The following ZNF594 variants were observed in gnomAD, a reference collection of about 807,000 sequenced individuals.
ZNF594 encodes zinc finger protein HZF18.
For synonymous variants in ZNF594, 336 were observed against 309.4 expected (o/e 1.09, Z -0.90); for missense variants, 1,037 against 964.6 (o/e 1.08, Z -0.99).
chr17:5,182,228 C>G lies in ZNF594; in HGVS notation c.2029G>C (p.Glu677Gln). ...CATTCACTGCACTGATAGGGTTTCT[C>G]TCCAGTATGGATTTTCTGGTGTGTA... Reference protein sequence around the residue: ...LATHQKIHTGEKPYQCSECGN... With the variant: ...LATHQKIHTGQKPYQCSECGN... Residue 677 changes from glutamate (E) to glutamine (Q), a missense_variant, in exon 2 of 2, where the codon GAG becomes CAG. By Grantham distance (29) the Glu-to-Gln change is conservative (BLOSUM62 2). Coordinates refer to ENST00000575779, the MANE Select transcript of ZNF594 (RefSeq NM_032530.2). The G allele has an allele frequency of 6.2e-6, 10 of 1,613,600 alleles. No homozygotes were observed. Among genetic ancestry groups the G allele is most frequent in the Non-Finnish European group, 8.5e-6 (10 of 1,179,966 alleles).
downstream of ZNF594, among the ~76,000 whole-genome samples, chr17:5,175,520 A>C (rs564689788): frequency 6.6e-6 from 1 of 152,296 alleles, no homozygotes; most frequent in African/African-American, 2.4e-5. Flanking sequence ...AGAGGGTAGA[A>C]CAAGATCTCT....
At chr17:5,176,548 CT>C (rs1009125745), downstream of ZNF594, among the ~76,000 whole-genome samples, 464 of 143,248 alleles carry the variant, frequency 3.2e-3, 1 homozygote, top group Non-Finnish European at 4.1e-3. Flanking sequence ...TAGGTTTCTT[CT>C]TTTTTTTTTT....
downstream of ZNF594, among the ~76,000 whole-genome samples, chr17:5,178,937 A>T (rs1030052596): frequency 6.6e-6 from 1 of 152,182 alleles, no homozygotes; most frequent in African/African-American, 2.4e-5. Context: ...ATAAGAACAC[A>T]AATGACCCAA....
rs760309124 is a variant in ZNF594, at chr17:5,183,524, C to T, written c.733G>A (p.Gly245Arg). 5 of 1,614,122 alleles carry T rather than the reference C, an allele frequency of 3.1e-6. 1 individual carries two copies. The South Asian group carries it at 5.5e-5, about 18-fold the overall frequency. ...RGKPYLCNKC[G>R]KAFSQSTDLI... ...TCTGTGCTTTGACTGAAAGCCTTCC[C>T]ACATTTATTGCATAAATATGGCTTC... Residue 245 changes from glycine to arginine, a missense_variant, in exon 2 of 2, where the codon GGG becomes AGG. Transcript: ENST00000575779.
chr17:5,184,372 G>C, intron 1 of ZNF594, 96 bp from the exon 2 acceptor site: 1 of 1,243,130 alleles, frequency 8.0e-7, no homozygotes, highest in Non-Finnish European at 1.1e-6. Flanking sequence ...AAAGAACTCA[G>C]AAGACCTTTC....
At chr17:5,184,320 T>C (rs2074372460) in intron 1 of ZNF594, 44 bp from the exon 2 acceptor site, 1 of 1,525,996 alleles carries the variant, frequency 6.6e-7, no homozygotes. Context: ...AAAATACAAA[T>C]ATCATCTCTT....
chr17:5,183,890 T>G lies in ZNF594; in HGVS notation c.367A>C (p.Ile123Leu), dbSNP rs1331028355. Residue 123 changes from isoleucine (I) to leucine (L), a missense_variant, in exon 2 of 2, where the codon ATA (isoleucine) becomes CTA (leucine). By Grantham distance (5) the Ile-to-Leu change is conservative. Transcript: ENST00000575779. ...GLTEHQKIHN[I>L]NKTYECKECE... ...TCCTTACATTCATAGGTCTTATTTA[T>G]ATTATGAATTTTCTGATGTTCAGTT... 1 of 1,613,538 alleles carries G rather than the reference T, an allele frequency of 6.2e-7. No individual in the cohort carries two copies. Among genetic ancestry groups the G allele is most frequent in the Non-Finnish European group, 8.5e-7 (1 of 1,179,926 alleles).
rs758362148 is a variant in ZNF594 at position 5,183,746 on chromosome 17, T to C, written c.511A>G (p.Ile171Val). 6.2e-7 allele frequency: 1 copy of C among 1,611,732 alleles called. No homozygotes were observed. Among genetic ancestry groups the C allele is most frequent in the Non-Finnish European group, 8.5e-7 (1 of 1,179,168 alleles). Residue 171 changes from isoleucine to valine, a missense_variant, in exon 2 of 2, where the codon ATT becomes GTT. Coordinates refer to ENST00000575779, the MANE Select transcript of ZNF594 (RefSeq NM_032530.2). ...CCTGTATGAATTCTCTGATGTATAA[T>C]AAGATTTGAACTTTGATTAGAGTCT... The part of the protein sequence containing the change: ...GKDSNQSSNL[I>V]IHQRIHTGKK...
intron 1 of ZNF594, among the ~76,000 whole-genome samples, chr17:5,190,595 ACT>A (rs2074415611): frequency 6.6e-6 from 1 of 152,176 alleles, no homozygotes; most frequent in Admixed American, 6.6e-5. Context: ...CTAGAGGAAG[ACT>A]CACACATGAA....
Position 5,184,076 on chromosome 17 carries a change from A to G in ZNF594, c.181T>C (p.Ser61Pro). ...PLKDAMRHLP[S>P]QESGIREMHI... The stretch of plus-strand genomic sequence containing the variant: ...ATTTCCCTGATACCGCTCTCTTGGG[A>G]AGGGAGATGTCTCATTGCATCCTTT... The change falls in exon 2 of 2, where the codon TCC (serine) becomes CCC (proline). Residue 61 changes from serine to proline, a missense_variant. Physicochemically the swap from Ser to Pro is moderately conservative, Grantham distance 74 (BLOSUM62 -1). Transcript: ENST00000575779. The G allele has an allele frequency of 6.2e-7, 1 of 1,614,122 alleles. No individual in the cohort carries two copies. The highest frequency in any genetic ancestry group is 1.1e-5 in the South Asian group (1 of 91,068).
downstream of ZNF594, among the ~76,000 whole-genome samples, chr17:5,177,431 C>T (rs924826082): frequency 4.6e-5 from 7 of 151,830 alleles, no homozygotes; most frequent in Non-Finnish European, 7.4e-5. Flanking sequence ...CTTACTAGGC[C>T]GGACATGGTG....
In ZNF594 at chr17:5,182,182, CG is replaced by C. The variant is rs768707485; in HGVS notation, c.2074del (p.Arg692ValfsTer90). On this transcript the variant is annotated frameshift_variant, in exon 2 of 2. Transcript: ENST00000575779. LOFTEE classifies it low-confidence loss of function (END_TRUNC). The stretch of plus-strand genomic sequence containing the variant: ...TCTCCGATGTTGAATAAGGAGGGAA[CG>C]CCGCCTGAAGGCATTCCCACATTCA... The part of the protein sequence containing the change: ...CSECGNAFRR[R>X]SLLIQHRRLH... 2.4e-5 allele frequency: 38 copies of C among 1,613,338 alleles called. No individual in the cohort carries two copies. Among genetic ancestry groups the C allele is most frequent in the South Asian group, 5.5e-5 (5 of 91,076 alleles).
downstream of ZNF594, among the ~76,000 whole-genome samples, chr17:5,177,128 G>A (rs1421749119): frequency 3.3e-5 from 5 of 151,472 alleles, no homozygotes; most frequent in Non-Finnish European, 5.9e-5. Flanking sequence ...CCAGGGAGGC[G>A]GCGCTTGCAG....
chr17:5,174,970 T>C (rs1292457100), downstream of ZNF594: 4 of 187,618 alleles, frequency 2.1e-5, no homozygotes, highest in Non-Finnish European at 4.5e-5. Flanking sequence ...TCCAAACAAA[T>C]TAAATACTGT....
In ZNF594 at chr17:5,183,061, G is replaced by A. The variant is rs368038687; in HGVS notation, c.1196C>T (p.Thr399Ile). 167 of 1,613,920 alleles carry A rather than the reference G, an allele frequency of 1.0e-4. No homozygotes were observed. Among genetic ancestry groups the A allele is most frequent in the Non-Finnish European group, 1.2e-4 (145 of 1,180,012 alleles). Residue 399 changes from threonine to isoleucine, a missense_variant, in exon 2 of 2, where the codon ACA becomes ATA. Physicochemically the swap from Thr to Ile is moderately conservative, Grantham distance 89. Transcript: ENST00000575779. ...SDLIRHQVTH[T>I]GEKPYECKEC... ...TTTACATTCATATGGTTTCTCTCCTGTATGAGTTACCTGATGTCTGATGAG... is the reference window on the plus strand; with the variant it reads ...TTTACATTCATATGGTTTCTCTCCTATATGAGTTACCTGATGTCTGATGAG...
intron 1 of ZNF594, among the ~76,000 whole-genome samples, chr17:5,191,127 T>C (rs2074420960): frequency 6.6e-6 from 1 of 151,936 alleles, no homozygotes; most frequent in South Asian, 2.1e-4. Context: ...CGAGAAAATT[T>C]TGGGCGCTAG....
At chr17:5,188,944 TCAC>T (rs1468642932) in intron 1 of ZNF594, among the ~76,000 whole-genome samples, 2 of 151,942 alleles carry the variant, frequency 1.3e-5, no homozygotes, top group Non-Finnish European at 2.9e-5. Flanking sequence ...AGACGGGGTT[TCAC>T]CACATTAGCC....
In ZNF594 at chr17:5,183,620, A is replaced by C; in HGVS notation, c.637T>G (p.Cys213Gly). Residue 213 changes from cysteine to glycine, a missense_variant, in exon 2 of 2, where the codon TGC becomes GGC. Coordinates refer to ENST00000575779, the MANE Select transcript of ZNF594 (RefSeq NM_032530.2). ...TTAAAAGCCTTCCCACACTCTTTGC[A>C]CTCATAGGGATTCCCACCACTGTGA... ...QIHSGGNPYE[C>G]KECGKAFKGS... The C allele has an allele frequency of 6.2e-7, 1 of 1,614,126 alleles. No homozygotes were observed. The highest frequency in any genetic ancestry group is 1.1e-5 in the South Asian group (1 of 91,076).
Position 5,190,865 on chromosome 17 carries a change from T to C in ZNF594, c.-21+883A>G, listed in dbSNP as rs200396030. Among the ~76,000 whole-genome samples, 5 of 152,058 alleles carry C rather than the reference T, an allele frequency of 3.3e-5. No homozygotes were observed. The East Asian group carries it at 9.7e-4, about 29-fold the overall frequency. On this transcript the variant is annotated intron_variant, in intron 1 of 1. Coordinates refer to ENST00000575779, the MANE Select transcript of ZNF594 (RefSeq NM_032530.2). ...TCCAGGAATGCACCTACTGATAAGA[T>C]ATTGAGGCAAGCTGCACCAGCAGCT...
Sources: gnomAD v4.1 joint callset for allele counts (sites outside exome capture counted in the v4.1 genomes callset) on GRCh38, gnomAD v4.1.1 for gene constraint, MANE v1.5 for transcripts, NCBI Gene and HGNC (gene_info 2026-07-23, HGNC 2026-07-21) for gene names.